The following CRACDL variants were observed in gnomAD, a reference collection of about 807,000 sequenced individuals.
CRACDL encodes CRACD like, also known as CRACD-like protein.
A neutral mutation model predicts 70.6 loss-of-function variants in CRACDL; 26 were observed. That is an observed-to-expected ratio of 0.37 (90% CI 0.27 to 0.51). The LOEUF (loss-of-function observed/expected upper bound fraction) is 0.51, where lower values mean the gene tolerates loss of function less well. Among genes scored for constraint, CRACDL ranks in the 20% least tolerant of loss-of-function variants. CRACDL has a pLI of 0.94. For synonymous variants in CRACDL, 618 were observed against 615.2 expected, an observed-to-expected ratio of 1.00 and a Z score of -0.07; for missense variants, 1,283 against 1,376.9, an observed-to-expected ratio of 0.93 and a Z score of 1.08.
Position 98,841,523 on chromosome 2 carries a change from G to A in CRACDL, c.71-3236C>T, listed in dbSNP as rs576465887. ...AATTCTGATTGTTAAAAAAAACCTCGAAGTTATTTCATGTTCACACAGGTG... is the reference window on the plus strand; with the variant it reads ...AATTCTGATTGTTAAAAAAAACCTCAAAGTTATTTCATGTTCACACAGGTG... On this transcript the variant is annotated intron_variant, in intron 2 of 9. Transcript: ENST00000397899. 5.9e-5 allele frequency among the ~76,000 whole-genome samples: 9 copies of A among 151,958 alleles called. No homozygotes were observed. In the East Asian group the frequency reaches 1.2e-3, roughly 20 times the overall value.
At chr2:98,889,198 AAAG>A (rs1707884069) in intron 1 of CRACDL, among the ~76,000 whole-genome samples, 1 of 150,906 alleles carries the variant, frequency 6.6e-6, no homozygotes, top group Non-Finnish European at 1.5e-5. Context: ...GGAAGGAAGA[AAAG>A]AAGGAAGGAA....
rs1265661496 is a variant in CRACDL at position 98,798,468 on chromosome 2, A to C, written c.2417-931T>G. On this transcript the variant is annotated intron_variant, in intron 7 of 9. Coordinates refer to ENST00000397899, the MANE Select transcript of CRACDL (RefSeq NM_207362.3). ...CAAAAAAAAAAAAAAAAAAAAAAAA[A>C]AAAAAAGAGTGACACTCTGTCTCAA... Among the ~76,000 whole-genome samples the C allele has an allele frequency of 2.0e-5, 3 of 150,170 alleles. No homozygotes were observed. The East Asian group carries it at 5.8e-4, about 29-fold the overall frequency.
chr2:98,819,354 G>A (rs768173893), intron 7 of CRACDL, among the ~76,000 whole-genome samples: 1 of 151,634 alleles, frequency 6.6e-6, no homozygotes, highest in Admixed American at 6.6e-5. Flanking sequence ...GGCCATGAAG[G>A]TCAGGGTTTC....
chr2:98,906,041 C>T (rs1708404304), intron 1 of CRACDL, among the ~76,000 whole-genome samples: 1 of 152,074 alleles, frequency 6.6e-6, no homozygotes, highest in South Asian at 2.1e-4. Context: ...CCCAATCTCC[C>T]TCTCATCTCC....
chr2:98,822,246 C>T lies in CRACDL; in HGVS notation c.2027G>A (p.Ser676Asn), dbSNP rs749072102. ...PCPAAQEPAP[S>N]EDRNPFPVKL... ...GACGGGGAAGGGGTTTCTGTCCTCA[C>T]TCGGGGCCGGCTCCTGGGCGGCTGG... is the stretch of plus-strand genomic sequence containing the variant. Residue 676 changes from serine (S) to asparagine (N), a missense_variant, in exon 7 of 10, where the codon AGT becomes AAT. Coordinates refer to ENST00000397899, the MANE Select transcript of CRACDL (RefSeq NM_207362.3). This position sits in a 1 kb window ranked among gnomAD's most constrained non-coding sequence, Gnocchi z 4.9. 19 of 1,599,384 alleles carry T rather than the reference C, an allele frequency of 1.2e-5. No homozygotes were observed. The African/African-American group carries it at 1.5e-4, about 12-fold the overall frequency.
intron 1 of CRACDL, among the ~76,000 whole-genome samples, chr2:98,881,434 C>A (rs964090646): frequency 6.6e-6 from 1 of 152,204 alleles, no homozygotes; most frequent in Non-Finnish European, 1.5e-5. Context: ...TGTTCTCAAC[C>A]CCAGCTGCAC....
chr2:98,814,091 A>C (rs1704682801), intron 7 of CRACDL, among the ~76,000 whole-genome samples: 1 of 152,064 alleles, frequency 6.6e-6, no homozygotes, highest in Admixed American at 6.5e-5. Flanking sequence ...TTTTTAAATC[A>C]ACTTTATTGG....
intron 5 of CRACDL, among the ~76,000 whole-genome samples, chr2:98,828,740 A>AT (rs1414509955): frequency 1.3e-5 from 2 of 152,226 alleles, no homozygotes; most frequent in Non-Finnish European, 2.9e-5. Flanking sequence ...AGTGGACATA[A>AT]TCTATTTGAA....
chr2:98,796,443 A>C (rs1328032548), intron 8 of CRACDL, among the ~76,000 whole-genome samples, 179 bp from the exon 9 acceptor site: 2 of 152,178 alleles, frequency 1.3e-5, no homozygotes, highest in African/African-American at 2.4e-5. Context: ...TGGCGCTGGG[A>C]CCAGTATGCG....
chr2:98,888,490 G>A lies in CRACDL; in HGVS notation c.-10-41680C>T, dbSNP rs563863797. On this transcript the variant is annotated intron_variant, in intron 1 of 9. Coordinates refer to ENST00000397899, the MANE Select transcript of CRACDL (RefSeq NM_207362.3). ...TTAAGATGCAATCTGAAACCCCCAG[G>A]GCAATTACTAAGAAAATAACTAAAA... is the stretch of plus-strand genomic sequence containing the variant. Among the ~76,000 whole-genome samples, 3 of 152,092 alleles carry A rather than the reference G, an allele frequency of 2.0e-5. No homozygotes were observed. The East Asian group carries it at 5.8e-4, about 29-fold the overall frequency.
At chr2:98,875,862 T>C (rs558262104) in intron 1 of CRACDL, among the ~76,000 whole-genome samples, 8 of 152,328 alleles carry the variant, frequency 5.3e-5, no homozygotes, top group African/African-American at 1.7e-4. Flanking sequence ...GGCTGGCACT[T>C]TGGAACTCTG....
At chr2:98,869,272 C>T (rs1707257481) in intron 1 of CRACDL, 1 of 1,233,506 alleles carries the variant, frequency 8.1e-7, no homozygotes, top group Non-Finnish European at 1.1e-6. Flanking sequence ...CACAGAAGTA[C>T]CCGTGCGCCA....
At chr2:98,827,522 C>A (rs1705359790) in intron 5 of CRACDL, among the ~76,000 whole-genome samples, 1 of 152,166 alleles carries the variant, frequency 6.6e-6, no homozygotes, top group Non-Finnish European at 1.5e-5. Context: ...AAACTCCTGA[C>A]CTTGTGATCC....
At chr2:98,889,801 A>C (rs902475320) in intron 1 of CRACDL, among the ~76,000 whole-genome samples, 1 of 152,230 alleles carries the variant, frequency 6.6e-6, no homozygotes, top group Non-Finnish European at 1.5e-5. Flanking sequence ...AATTTAAATC[A>C]TGCAAGGTAT....
At chr2:98,824,546 A>C (rs1158806637) in intron 6 of CRACDL, among the ~76,000 whole-genome samples, 3 of 152,190 alleles carry the variant, frequency 2.0e-5, no homozygotes, top group Admixed American at 6.5e-5. Context: ...ACCAAGAATC[A>C]TTCAAAAGTA....
intron 3 of CRACDL, 82 bp downstream of exon 3, chr2:98,838,037 C>T (rs887023481): frequency 1.8e-5 from 22 of 1,246,968 alleles, no homozygotes; most frequent in African/African-American, 3.0e-5. Context: ...GGAAAGGGGG[C>T]TCAGAAATCC....
intron 5 of CRACDL, among the ~76,000 whole-genome samples, chr2:98,831,569 C>T (rs1705545333): frequency 6.6e-6 from 1 of 152,332 alleles, no homozygotes; most frequent in Admixed American, 6.5e-5. Flanking sequence ...CTCTATCCAT[C>T]CTCCACAGTC....
chr2:98,868,502 G>A (rs1195169018), intron 1 of CRACDL, among the ~76,000 whole-genome samples: 1 of 152,192 alleles, frequency 6.6e-6, no homozygotes, highest in Non-Finnish European at 1.5e-5. Flanking sequence ...GAGTCAAAAT[G>A]CACTGAGAGC....
chr2:98,889,515 AAATACATG>A (rs1707907241), intron 1 of CRACDL, among the ~76,000 whole-genome samples: 1 of 152,218 alleles, frequency 6.6e-6, no homozygotes, highest in African/African-American at 2.4e-5. Context: ...CAGAGGCCAA[AAATACATG>A]AAGCAAAGCT....
Sources: gnomAD v4.1 joint callset for allele counts (sites outside exome capture counted in the v4.1 genomes callset) on GRCh38, gnomAD v4.1.1 for gene constraint, Gnocchi (gnomAD v3.1) non-coding constraint, MANE v1.5 for transcripts, NCBI Gene and HGNC (gene_info 2026-07-23, HGNC 2026-07-21) for gene names.